CDK5RAP2: variants seen among roughly 807,000 people sequenced by gnomAD.
CDK5RAP2 encodes the protein CDK5 regulatory subunit-associated protein 2.
A neutral mutation model predicts 232.9 loss-of-function variants in CDK5RAP2; 147 were observed. The ratio of observed to expected loss-of-function variants is 0.63; its 90% CI spans 0.55 to 0.72. The LOEUF (loss-of-function observed/expected upper bound fraction) is 0.72, where lower values mean the gene tolerates loss of function less well. CDK5RAP2 is among the 30% of genes least tolerant of loss of function. The pLI, the probability that CDK5RAP2 is intolerant of heterozygous loss-of-function variation, is 0.00. For synonymous variants in CDK5RAP2, 833 were observed against 833.7 expected, an observed-to-expected ratio of 1.00 and a Z score of 0.01; for missense variants, 2,195 against 2,231.5, an observed-to-expected ratio of 0.98 and a Z score of 0.33.
chr9:120,511,780 C>T (rs2040101096), intron 12 of CDK5RAP2, among the ~76,000 whole-genome samples: 1 of 150,008 alleles, frequency 6.7e-6, no homozygotes. Context: ...CTCTGTCGCC[C>T]AGGCTGGAGT....
intron 12 of CDK5RAP2, among the ~76,000 whole-genome samples, chr9:120,500,932 A>G (rs1463499440): frequency 1.3e-5 from 2 of 152,138 alleles, no homozygotes; most frequent in East Asian, 3.8e-4. Flanking sequence ...GAGTGGAGTA[A>G]GGGGGGGCCT....
intron 1 of CDK5RAP2, among the ~76,000 whole-genome samples, chr9:120,574,280 G>C (rs1480554618): frequency 6.6e-6 from 1 of 152,212 alleles, no homozygotes; most frequent in East Asian, 1.9e-4. Context: ...CCTCCAGTCA[G>C]TTCCAACTAC....
intron 16 of CDK5RAP2, 22 bp downstream of exon 16, chr9:120,471,726 G>A (rs1209254129): frequency 1.2e-6 from 2 of 1,613,938 alleles, no homozygotes; most frequent in South Asian, 2.2e-5. Flanking sequence ...CCAAAGAGAA[G>A]CACATAGAAT....
At chr9:120,558,806 C>T (rs1262097601) in intron 3 of CDK5RAP2, among the ~76,000 whole-genome samples, 1 of 152,216 alleles carries the variant, frequency 6.6e-6, no homozygotes. Context: ...ACCCAACCAG[C>T]TCACTCTCTA....
intron 34 of CDK5RAP2, among the ~76,000 whole-genome samples, chr9:120,401,610 CA>C (rs142588120): frequency 0.063 from 3,897 of 61,406 alleles, 83 homozygotes; most frequent in African/African-American, 0.16. Flanking sequence ...GACCCTGTCT[CA>C]AAAAAAAAAA....
intron 22 of CDK5RAP2, 92 bp from the exon 23 acceptor site, chr9:120,443,834 G>T: frequency 6.4e-7 from 1 of 1,561,494 alleles, no homozygotes; most frequent in Admixed American, 1.7e-5. Flanking sequence ...AGATACAACA[G>T]GGAAAATAAA....
intron 25 of CDK5RAP2, among the ~76,000 whole-genome samples, chr9:120,425,943 G>T (rs1007776482): frequency 6.6e-6 from 1 of 152,232 alleles, no homozygotes; most frequent in Non-Finnish European, 1.5e-5. Context: ...CGCAACAGAT[G>T]CTGTGGGAAG....
Position 120,518,596 on chromosome 9 carries a change from G to A in CDK5RAP2, c.1142C>T (p.Ala381Val). 6.2e-7 allele frequency: 1 copy of A among 1,613,742 alleles called. No individual in the cohort carries two copies. Among genetic ancestry groups the A allele is most frequent in the Non-Finnish European group, 8.5e-7 (1 of 1,179,998 alleles). ...TALSGKEALS[A>V]ALRSQNLTKS... The stretch of plus-strand genomic sequence containing the variant: ...GGTGAGGTTTTGTGAGCGCAGCGCA[G>A]CCGAAAGGGCTTCCTTTCCTGATAG... Residue 381 changes from alanine to valine, a missense_variant, in exon 12 of 38, where the codon GCT becomes GTT. Transcript: ENST00000349780.
chr9:120,528,226 G>A (rs548485575), intron 9 of CDK5RAP2, among the ~76,000 whole-genome samples: 46 of 152,336 alleles, frequency 3.0e-4, no homozygotes, highest in African/African-American at 8.9e-4. Flanking sequence ...CAGAGTCTTT[G>A]AAACCATACC....
At chr9:120,549,751 T>C (rs1451373889) in intron 4 of CDK5RAP2, among the ~76,000 whole-genome samples, 1 of 152,240 alleles carries the variant, frequency 6.6e-6, no homozygotes, top group African/African-American at 2.4e-5. Context: ...TACTCACGTA[T>C]AAACTGCTTT....
intron 12 of CDK5RAP2, among the ~76,000 whole-genome samples, chr9:120,507,927 A>AT (rs2039892875): frequency 1.4e-5 from 1 of 69,988 alleles, no homozygotes; most frequent in African/African-American, 4.6e-5. Context: ...AAAAAAAAAA[A>AT]AAAAAAAAAA....
At chr9:120,577,737 T>C (rs1449516314) in intron 1 of CDK5RAP2, among the ~76,000 whole-genome samples, 1 of 152,152 alleles carries the variant, frequency 6.6e-6, no homozygotes, top group Non-Finnish European at 1.5e-5. Flanking sequence ...CTTTTACAGA[T>C]GATAAACACT....
At chr9:120,410,821 GCTAATGATAC>G (rs1299391027) in intron 29 of CDK5RAP2, among the ~76,000 whole-genome samples, 2 of 152,206 alleles carry the variant, frequency 1.3e-5, no homozygotes, top group Non-Finnish European at 2.9e-5. Flanking sequence ...GTCAAATAGG[GCTAATGATAC>G]CTCATCCCAG....
At chr9:120,489,436 C>T (rs886278193) in intron 13 of CDK5RAP2, among the ~76,000 whole-genome samples, 5 of 149,604 alleles carry the variant, frequency 3.3e-5, no homozygotes, top group African/African-American at 1.3e-4. Context: ...AACTTCCTTT[C>T]CTCTGTTTTG....
chr9:120,423,745 T>G (rs1241676009), intron 25 of CDK5RAP2, among the ~76,000 whole-genome samples: 1 of 152,210 alleles, frequency 6.6e-6, no homozygotes, highest in Admixed American at 6.5e-5. Flanking sequence ...AATGAGACTA[T>G]AATTAAACTG....
intron 19 of CDK5RAP2, 71 bp from the exon 20 acceptor site, chr9:120,458,693 G>A: frequency 2.9e-6 from 4 of 1,395,016 alleles, no homozygotes; most frequent in Non-Finnish European, 3.1e-6. Context: ...AGAGAGGATG[G>A]AGATGCAGGG....
At chr9:120,477,296 T>C in intron 15 of CDK5RAP2, 54 bp downstream of exon 15, 1 of 1,225,072 alleles carries the variant, frequency 8.2e-7, no homozygotes, top group Middle Eastern at 1.9e-4. Flanking sequence ...TGTATGCGCG[T>C]GCATGTGTGT....
chr9:120,487,461 A>C, intron 13 of CDK5RAP2, 24 bp from the exon 14 acceptor site: 9 of 1,559,972 alleles, frequency 5.8e-6, no homozygotes, highest in Non-Finnish European at 7.8e-6. Context: ...ACAAATTCTA[A>C]GGAAATTGTC....
At chr9:120,486,728 C>T (rs1219028339) in intron 14 of CDK5RAP2, among the ~76,000 whole-genome samples, 1 of 152,144 alleles carries the variant, frequency 6.6e-6, no homozygotes, top group Non-Finnish European at 1.5e-5. Flanking sequence ...TAAGCAGGAT[C>T]AGGAAAGACT....
Sources: allele counts gnomAD v4.1 joint callset (sites outside exome capture counted in the v4.1 genomes callset), GRCh38; gene constraint gnomAD v4.1.1; transcripts MANE v1.5; gene names NCBI Gene and HGNC (gene_info 2026-07-23, HGNC 2026-07-21).